The following EML4 variants were observed in gnomAD, a reference collection of about 807,000 sequenced individuals.
The protein encoded by EML4 is EMAP like 4.
EML4 carries 72 observed loss-of-function variants against 129.0 expected under a neutral mutation model. That is an observed-to-expected ratio of 0.56 (90% CI 0.46 to 0.68). The LOEUF is 0.68. Among genes scored for constraint, EML4 ranks in the 30% least tolerant of loss-of-function variants. The pLI is 0.00. For synonymous variants in EML4, 532 were observed against 405.0 expected (o/e 1.31, Z -3.77); for missense variants, 1,363 against 1,190.6 (o/e 1.14, Z -2.13).
intron 1 of EML4, among the ~76,000 whole-genome samples, chr2:42,210,623 C>G (rs112834010): frequency 2.6e-5 from 4 of 152,178 alleles, no homozygotes; most frequent in Non-Finnish European, 4.4e-5. Context: ...TAGAATTCTT[C>G]TGTTCCCTTA....
intron 5 of EML4, among the ~76,000 whole-genome samples, chr2:42,264,106 T>TG: frequency 1.6e-5 from 1 of 60,924 alleles, no homozygotes; most frequent in African/African-American, 1.4e-4. Flanking sequence ...AATACGTGTT[T>TG]TTTTTTTTTT....
At chr2:42,247,481 C>T (rs1200999149) in intron 2 of EML4, among the ~76,000 whole-genome samples, 1 of 151,978 alleles carries the variant, frequency 6.6e-6, no homozygotes, top group Non-Finnish European at 1.5e-5. Context: ...CTCTTGGCCT[C>T]ATGTACTCTG....
rs1197054212 is a variant in EML4, at chr2:42,282,880, A to T, written c.849A>T (p.Lys283Asn). The change falls in exon 8 of 23, where the codon AAA becomes AAT. Residue 283 changes from lysine to asparagine, a missense_variant. Physicochemically the swap from Lys to Asn is moderately conservative, Grantham distance 94. Transcript: ENST00000318522. ...ATGTTTACCTTCTTCCGACCGGGAA[A>T]ATAGTTTATTTCATTGCATCAGTAG... is the stretch of plus-strand genomic sequence containing the variant. ...RANVYLLPTGKIVYFIASVVV... is the reference protein window; with the variant it reads ...RANVYLLPTGNIVYFIASVVV... The T allele has an allele frequency of 6.2e-7, 1 of 1,612,510 alleles. No individual in the cohort carries two copies. The highest frequency in any genetic ancestry group is 1.7e-5 in the Admixed American group (1 of 59,978).
chr2:42,240,672 T>C (rs1035727231), intron 1 of EML4, among the ~76,000 whole-genome samples: 3 of 152,198 alleles, frequency 2.0e-5, no homozygotes, highest in Non-Finnish European at 4.4e-5. Context: ...CATTTCTAAT[T>C]TTGTGGCAAT....
intron 19 of EML4, among the ~76,000 whole-genome samples, chr2:42,320,179 C>T (rs1369656569): frequency 6.6e-6 from 1 of 152,038 alleles, no homozygotes; most frequent in Non-Finnish European, 1.5e-5. Flanking sequence ...TAGTCCAGGG[C>T]CTTGCTCTCA....
At chr2:42,188,001 A>G (rs530439313) in intron 1 of EML4, among the ~76,000 whole-genome samples, 46 of 152,260 alleles carry the variant, frequency 3.0e-4, no homozygotes, top group African/African-American at 9.1e-4. Context: ...TTTAGAGTTA[A>G]TTTTTGTATA....
intron 4 of EML4, among the ~76,000 whole-genome samples, chr2:42,262,384 A>T (rs1308663903): frequency 6.6e-6 from 1 of 152,064 alleles, no homozygotes. Flanking sequence ...ACGTTACATA[A>T]CTTTGGATTG....
In EML4 at chr2:42,311,556, T is replaced by C. The variant is rs577779339; in HGVS notation, c.1968-4406T>C. Reference sequence around the variant, plus strand: ...ACCCTGTCTCAAAAAAAAAAAATGGTAATAATTTTTAAATGCATGAGAGTG... The same window carrying C: ...ACCCTGTCTCAAAAAAAAAAAATGGCAATAATTTTTAAATGCATGAGAGTG... On this transcript the variant is annotated intron_variant, in intron 17 of 22. Coordinates refer to ENST00000318522, the MANE Select transcript of EML4 (RefSeq NM_019063.5). Among the ~76,000 whole-genome samples the C allele has an allele frequency of 9.9e-5, 15 of 151,908 alleles. No individual in the cohort carries two copies. The South Asian group carries it at 1.7e-3, about 17-fold the overall frequency.
rs1675745870 is a variant in EML4, at chr2:42,251,219, G to A, written c.209-5282G>A. Among the ~76,000 whole-genome samples, 8 of 152,300 alleles carry A rather than the reference G, an allele frequency of 5.3e-5. No individual in the cohort carries two copies. In the South Asian group the frequency reaches 1.5e-3, roughly 28 times the overall value. On this transcript the variant is annotated intron_variant, in intron 2 of 22. Coordinates refer to ENST00000318522, the MANE Select transcript of EML4 (RefSeq NM_019063.5). ...TTGCTCCTAGGTTACATAGGCAGTT[G>A]TAACACAATGGTAAGTATATGTATA...
At chr2:42,172,953 A>G (rs566916840) in intron 1 of EML4, among the ~76,000 whole-genome samples, 3 of 152,332 alleles carry the variant, frequency 2.0e-5, no homozygotes, top group South Asian at 2.1e-4. Flanking sequence ...AAGAAACCTT[A>G]TACCTAACCA....
intron 6 of EML4, among the ~76,000 whole-genome samples, chr2:42,275,171 A>G (rs1408771547): frequency 6.6e-6 from 1 of 152,240 alleles, no homozygotes; most frequent in Non-Finnish European, 1.5e-5. Flanking sequence ...TTTTAATAGC[A>G]TATTTTTAAC....
Position 42,329,345 on chromosome 2 carries a change from G to A in EML4, c.2472+329G>A, listed in dbSNP as rs370368518. On this transcript the variant is annotated intron_variant, in intron 22 of 22. Coordinates refer to ENST00000318522, the MANE Select transcript of EML4 (RefSeq NM_019063.5). ...TTTATTTGTTGGATACATATTCAAC[G>A]TTATAAAACTAATGGAACTGTTTCC... is the stretch of plus-strand genomic sequence containing the variant. Among the ~76,000 whole-genome samples, 10 of 152,220 alleles carry A rather than the reference G, an allele frequency of 6.6e-5. No homozygotes were observed. The East Asian group carries it at 9.7e-4, about 15-fold the overall frequency.
intron 14 of EML4, among the ~76,000 whole-genome samples, chr2:42,302,315 T>A (rs1011528207): frequency 1.3e-5 from 2 of 152,186 alleles, no homozygotes; most frequent in Non-Finnish European, 2.9e-5. Flanking sequence ...GTATGTCTGT[T>A]GCCTCATGCA....
At chr2:42,279,226 G>A (rs978403148) in intron 6 of EML4, among the ~76,000 whole-genome samples, 4 of 152,010 alleles carry the variant, frequency 2.6e-5, no homozygotes, top group Non-Finnish European at 5.9e-5. Flanking sequence ...TCCACATCTT[G>A]GCTATTGTGA....
chr2:42,214,284 T>G (rs1442757471), intron 1 of EML4, among the ~76,000 whole-genome samples: 2 of 152,136 alleles, frequency 1.3e-5, no homozygotes, highest in African/African-American at 2.4e-5. Flanking sequence ...TATAAAAAAT[T>G]AATGGTTTTA....
chr2:42,190,829 T>G (rs2103898224), intron 1 of EML4, among the ~76,000 whole-genome samples: 1 of 152,350 alleles, frequency 6.6e-6, no homozygotes, highest in Middle Eastern at 3.4e-3. Flanking sequence ...GAAGCTTTAT[T>G]TATGGACACT....
intron 6 of EML4, among the ~76,000 whole-genome samples, chr2:42,270,960 A>G (rs79426682): frequency 2.8e-4 from 42 of 152,264 alleles, no homozygotes; most frequent in Non-Finnish European, 4.9e-4. Flanking sequence ...CTGTAGAATG[A>G]TCACAGCTCA....
chr2:42,189,321 G>A (rs960925953), intron 1 of EML4, among the ~76,000 whole-genome samples: 32 of 152,178 alleles, frequency 2.1e-4, no homozygotes, highest in African/African-American at 7.7e-4. Flanking sequence ...ACTACCAAGG[G>A]AAGAGAGGAG....
rs536301267 is a variant in EML4, at chr2:42,332,520, A to G, written c.*2313A>G. 1.1e-4 allele frequency: 20 copies of G among 183,184 alleles called. No homozygotes were observed. The highest frequency in any genetic ancestry group is 2.0e-4 in the South Asian group (1 of 5,092). 11.3% of individuals were successfully genotyped at this position (183,184 alleles called of 1,614,324 possible). On this transcript the variant is annotated 3_prime_UTR_variant, in exon 23 of 23. Coordinates refer to ENST00000318522, the MANE Select transcript of EML4 (RefSeq NM_019063.5). Reference sequence around the variant, plus strand: ...CAGAAAATTTTGAAGATTAAAAAATAAAATAATCAAAATGTTTCCTCTTTC... The same window carrying G: ...CAGAAAATTTTGAAGATTAAAAAATGAAATAATCAAAATGTTTCCTCTTTC...
Sources: gnomAD v4.1 joint callset for allele counts (sites outside exome capture counted in the v4.1 genomes callset) on GRCh38, gnomAD v4.1.1 for gene constraint, MANE v1.5 for transcripts, NCBI Gene and HGNC (gene_info 2026-07-23, HGNC 2026-07-21) for gene names.